BMP7: variants seen among roughly 807,000 people sequenced by gnomAD.
BMP7 encodes the protein bone morphogenetic protein 7.
BMP7 carries 12 observed loss-of-function variants against 41.2 expected under a neutral mutation model. That is an observed-to-expected ratio of 0.29 (90% CI 0.19 to 0.47). The LOEUF is 0.47. BMP7 is among the 20% of genes least tolerant of loss of function. The pLI, the probability that BMP7 is intolerant of heterozygous loss-of-function variation, is 0.99. For missense variants in BMP7, 467 were observed against 606.0 expected (o/e 0.77, Z 2.41); for synonymous variants, 248 against 250.0 (o/e 0.99, Z 0.07).
intron 3 of BMP7, among the ~76,000 whole-genome samples, chr20:57,200,926 C>T (rs185748174): frequency 6.6e-6 from 1 of 152,354 alleles, no homozygotes; most frequent in African/African-American, 2.4e-5. Context: ...TAGAAAACAC[C>T]TAGGCATCCA....
chr20:57,265,042 A>AAG (rs1555819058), intron 1 of BMP7, among the ~76,000 whole-genome samples: 1 of 120,152 alleles, frequency 8.3e-6, no homozygotes, highest in African/African-American at 3.6e-5. Context: ...AAAAAAAAAA[A>AAG]AAAAGAAAAG....
chr20:57,202,708 G>A (rs1279315772), intron 2 of BMP7, 85 bp from the exon 3 acceptor site: 1 of 1,324,084 alleles, frequency 7.6e-7, no homozygotes, highest in Non-Finnish European at 1.0e-6. Context: ...AGAGCCTCAT[G>A]GGGTGGGAGG....
At chr20:57,253,103 A>T (rs1568730600) in intron 1 of BMP7, among the ~76,000 whole-genome samples, 2 of 151,932 alleles carry the variant, frequency 1.3e-5, no homozygotes, top group Non-Finnish European at 2.9e-5. Context: ...TTCCATCCCC[A>T]CTTCCCACCA....
intron 1 of BMP7, among the ~76,000 whole-genome samples, chr20:57,236,499 C>T (rs534166887): frequency 9.9e-5 from 15 of 152,014 alleles, no homozygotes; most frequent in Non-Finnish European, 1.6e-4. Flanking sequence ...AAGTTATGCA[C>T]GAAAAATGCA....
chr20:57,259,100 G>T lies in BMP7; in HGVS notation c.418+6605C>A, dbSNP rs2066144480. On this transcript the variant is annotated intron_variant, in intron 1 of 6. Coordinates refer to ENST00000395863, the MANE Select transcript of BMP7 (RefSeq NM_001719.3). The surrounding 1 kb of genome is among the most constrained non-coding windows in gnomAD (Gnocchi z 4.7). Reference sequence around the variant, plus strand: ...TGTCATAGTGGAAACAGACACATAGGTTTAGGCTGTGTCTAAAGAGAATCA... The same window carrying T: ...TGTCATAGTGGAAACAGACACATAGTTTTAGGCTGTGTCTAAAGAGAATCA... Among the ~76,000 whole-genome samples the T allele has an allele frequency of 6.6e-6, 1 of 152,140 alleles. No homozygotes were observed. The highest frequency in any genetic ancestry group is 1.5e-5 in the Non-Finnish European group (1 of 68,036).
At position 57,176,792 on chromosome 20, in the gene BMP7, C is replaced by CACG. The variant is rs1568702842; in HGVS notation, c.959-1786_959-1785insCGT. ...CACACACACACACACACACACACAC[C>CACG]TGTTAACTGTTTGAATGCATGGCTC... is the stretch of plus-strand genomic sequence containing the variant. On this transcript the variant is annotated intron_variant, in intron 4 of 6. Coordinates refer to ENST00000395863, the MANE Select transcript of BMP7 (RefSeq NM_001719.3). Among the ~76,000 whole-genome samples, 10 of 52,780 alleles carry CACG rather than the reference C, an allele frequency of 1.9e-4. No individual in the cohort carries two copies. The East Asian group carries it at 7.0e-3, about 37-fold the overall frequency. The allele number at this position is 52,780 out of a possible 152,430, so 34.6% of individuals were successfully genotyped here.
chr20:57,263,150 G>A (rs1047222386), intron 1 of BMP7, among the ~76,000 whole-genome samples: 3 of 152,312 alleles, frequency 2.0e-5, no homozygotes, highest in Non-Finnish European at 4.4e-5. Flanking sequence ...GAGAGAGAAA[G>A]AAAACAAGGT....
chr20:57,219,219 G>T (rs414334), intron 2 of BMP7, among the ~76,000 whole-genome samples: 1 of 133,552 alleles, frequency 7.5e-6, no homozygotes, highest in Non-Finnish European at 1.5e-5. Context: ...TCGGTGGTAG[G>T]TGGTGTTTGG....
intron 1 of BMP7, among the ~76,000 whole-genome samples, chr20:57,238,867 T>C (rs1266584275): frequency 6.6e-6 from 1 of 152,154 alleles, no homozygotes. Flanking sequence ...TGAGATTCAC[T>C]ATCATGAGAA....
At chr20:57,221,727 C>T (rs2123110772) in intron 2 of BMP7, among the ~76,000 whole-genome samples, 1 of 151,230 alleles carries the variant, frequency 6.6e-6, no homozygotes, top group South Asian at 2.1e-4. Flanking sequence ...GGGACGATTG[C>T]TCCAACCCAG....
intron 3 of BMP7, among the ~76,000 whole-genome samples, chr20:57,202,140 G>A (rs1233445001): frequency 6.6e-6 from 1 of 152,146 alleles, no homozygotes; most frequent in African/African-American, 2.4e-5. Context: ...TCACCTTGGG[G>A]CTCTAGTTAA....
chr20:57,220,467 T>C (rs1985163555), intron 2 of BMP7, among the ~76,000 whole-genome samples: 1 of 152,198 alleles, frequency 6.6e-6, no homozygotes, highest in Non-Finnish European at 1.5e-5. Flanking sequence ...GAAACATAGA[T>C]GTTAATACAT....
chr20:57,189,821 A>G (rs1984308037), intron 3 of BMP7, among the ~76,000 whole-genome samples: 1 of 152,202 alleles, frequency 6.6e-6, no homozygotes. Context: ...GCTGGGGCAC[A>G]TCGGTGAATG....
At chr20:57,250,538 CA>C (rs57036984) in intron 1 of BMP7, among the ~76,000 whole-genome samples, 229 of 89,530 alleles carry the variant, frequency 2.6e-3, no homozygotes, top group Middle Eastern at 8.2e-3. Context: ...GACTCTGACT[CA>C]AAAAAAAAAA....
intron 3 of BMP7, among the ~76,000 whole-genome samples, chr20:57,190,717 C>T (rs576357316): frequency 3.9e-5 from 6 of 152,212 alleles, no homozygotes; most frequent in Non-Finnish European, 5.9e-5. Context: ...CGCTCAGGGC[C>T]GGCCTCCCTG....
In BMP7 at chr20:57,265,825, C is replaced by T. The variant is rs1327824248; in HGVS notation, c.298G>A (p.Gly100Ser). 4 of 1,605,934 alleles carry T rather than the reference C, an allele frequency of 2.5e-6. No homozygotes were observed. Among genetic ancestry groups the T allele is most frequent in the South Asian group, 1.1e-5 (1 of 89,246 alleles). ...TTGTAGGGGTAGGAGAAGCCCTGGC[C>T]GCCGGGCCCGCCGCCCTCCTCCACC... Reference protein sequence around the residue: ...MAVEEGGGPGGQGFSYPYKAV... With the variant: ...MAVEEGGGPGSQGFSYPYKAV... Residue 100 changes from glycine to serine, a missense_variant, in exon 1 of 7, where the codon GGC becomes AGC. Coordinates refer to ENST00000395863, the MANE Select transcript of BMP7 (RefSeq NM_001719.3).
rs907599753 is a variant in BMP7, at chr20:57,214,515, G to A, written c.612-11892C>T. 1.3e-5 allele frequency among the ~76,000 whole-genome samples: 2 copies of A among 151,976 alleles called. No homozygotes were observed. Among genetic ancestry groups the A allele is most frequent in the Non-Finnish European group, 2.9e-5 (2 of 67,990 alleles). ...CAACCTGTAAGGCCCTGGATGGTCC[G>A]GCCCCTGTCTCCACAGCCTCCTCCC... On this transcript the variant is annotated intron_variant, in intron 2 of 6. Coordinates refer to ENST00000395863, the MANE Select transcript of BMP7 (RefSeq NM_001719.3). The surrounding 1 kb of genome is among the most constrained non-coding windows in gnomAD (Gnocchi z 4.0).
chr20:57,221,280 C>T (rs1404339456), intron 2 of BMP7, among the ~76,000 whole-genome samples: 1 of 152,154 alleles, frequency 6.6e-6, no homozygotes, highest in Non-Finnish European at 1.5e-5. Context: ...GTCTGCAAAG[C>T]CTCACTACAC....
At chr20:57,194,120 C>T (rs1397742426) in intron 3 of BMP7, among the ~76,000 whole-genome samples, 2 of 152,230 alleles carry the variant, frequency 1.3e-5, no homozygotes, top group Admixed American at 6.5e-5. Context: ...AAGGCAGGCA[C>T]ATGATGAGAT....
Sources: gnomAD v4.1 joint callset for allele counts (sites outside exome capture counted in the v4.1 genomes callset) on GRCh38, gnomAD v4.1.1 for gene constraint, Gnocchi (gnomAD v3.1) non-coding constraint, MANE v1.5 for transcripts, NCBI Gene and HGNC (gene_info 2026-07-23, HGNC 2026-07-21) for gene names.